Variants in BEND7 observed in about 807,000 individuals in gnomAD.
BEND7 encodes BEN domain containing 7.
BEND7 carries 28 observed loss-of-function variants against 50.9 expected under a neutral mutation model. The observed-to-expected ratio is 0.55, with a 90% confidence interval of 0.41 to 0.75. BEND7 has a LOEUF of 0.75. Among genes scored for constraint, BEND7 ranks in the 30% least tolerant of loss-of-function variants. BEND7 has a pLI of 0.00. For missense variants in BEND7, 477 were observed against 491.3 expected (o/e 0.97, Z 0.28); for synonymous variants, 170 against 183.9 (o/e 0.92, Z 0.61).
At chr10:13,468,826 T>C (rs2074514646) in intron 6 of BEND7, among the ~76,000 whole-genome samples, 1 of 152,216 alleles carries the variant, frequency 6.6e-6, no homozygotes, top group South Asian at 2.1e-4. Context: ...CTTGAAGAGT[T>C]AGTTGATGCC....
At chr10:13,447,352 G>T (rs1057128690) in intron 7 of BEND7, 36 bp from the exon 8 acceptor site, 14 of 1,606,928 alleles carry the variant, frequency 8.7e-6, no homozygotes, top group Non-Finnish European at 1.2e-5. Context: ...AATCTCATTA[G>T]TTCCAGGGAG....
intron 2 of BEND7, among the ~76,000 whole-genome samples, chr10:13,518,617 T>C (rs1312037908): frequency 3.3e-5 from 5 of 152,218 alleles, no homozygotes; most frequent in African/African-American, 9.6e-5. Context: ...GTTTCCAACA[T>C]GTCACTGGCT....
intron 4 of BEND7, among the ~76,000 whole-genome samples, chr10:13,496,090 G>C: frequency 6.6e-6 from 1 of 152,210 alleles, no homozygotes; most frequent in Non-Finnish European, 1.5e-5. Context: ...GCTTAGGCTT[G>C]TACCATGCCT....
intron 1 of BEND7, among the ~76,000 whole-genome samples, chr10:13,527,119 T>G (rs2079494429): frequency 1.3e-5 from 2 of 152,158 alleles, no homozygotes; most frequent in African/African-American, 4.8e-5. Flanking sequence ...AGGTCATCAA[T>G]AAGAAAGCAG....
chr10:13,519,049 C>G (rs181559808), intron 2 of BEND7, among the ~76,000 whole-genome samples: 1 of 152,100 alleles, frequency 6.6e-6, no homozygotes, highest in African/African-American at 2.4e-5. Flanking sequence ...TGTTAAGTTT[C>G]GGAGGAGGAT....
At chr10:13,452,744 A>G in intron 6 of BEND7, 86 bp from the exon 7 acceptor site, 2 of 1,312,606 alleles carry the variant, frequency 1.5e-6, no homozygotes, top group Non-Finnish European at 2.1e-6. Context: ...AAAAGAAAAA[A>G]AAGTAGATTT....
rs118093885 is a variant in BEND7, at chr10:13,504,259, C to T, written c.146-4179G>A. ...GACAGGCTGGGCTATTACACCCACACCTGGTCTCGCCTCCTAACTACGCCC... is the reference window on the plus strand; with the variant it reads ...GACAGGCTGGGCTATTACACCCACATCTGGTCTCGCCTCCTAACTACGCCC... On this transcript the variant is annotated intron_variant, in intron 2 of 8. Coordinates refer to ENST00000466271, the MANE Select transcript of BEND7 (RefSeq NM_001369863.1). 2.2e-3 allele frequency among the ~76,000 whole-genome samples: 331 copies of T among 152,282 alleles called. 2 individuals carry two copies. The highest frequency in any genetic ancestry group is 2.9e-3 in the Non-Finnish European group (195 of 68,024).
At chr10:13,462,827 G>T (rs1318801381) in intron 6 of BEND7, among the ~76,000 whole-genome samples, 1 of 152,110 alleles carries the variant, frequency 6.6e-6, no homozygotes, top group South Asian at 2.1e-4. Context: ...AGTATATTAA[G>T]AAAAATAAAT....
chr10:13,478,505 G>C (rs1346105765), intron 6 of BEND7, among the ~76,000 whole-genome samples: 1 of 152,174 alleles, frequency 6.6e-6, no homozygotes, highest in Non-Finnish European at 1.5e-5. Context: ...AGGTAGAAAT[G>C]TTGACTAGCC....
intron 1 of BEND7, 38 bp downstream of exon 1, chr10:13,528,435 G>T: frequency 6.1e-6 from 6 of 981,360 alleles, no homozygotes; most frequent in South Asian, 9.1e-5. Flanking sequence ...AGGGCGCGGC[G>T]CCCGCTGCCT....
At chr10:13,473,427 G>A (rs74122759) in intron 6 of BEND7, among the ~76,000 whole-genome samples, 5,229 of 149,986 alleles carry the variant, frequency 0.035, 303 homozygotes, top group African/African-American at 0.12. Context: ...GCCGACATCC[G>A]TCATCACTGT....
chr10:13,456,121 C>T (rs767234805), intron 6 of BEND7, among the ~76,000 whole-genome samples: 1 of 152,156 alleles, frequency 6.6e-6, no homozygotes, highest in Non-Finnish European at 1.5e-5. Flanking sequence ...CACCTCTCTA[C>T]TCCTCCCCTA....
rs1055965402 is a variant in BEND7, at chr10:13,526,207, C to G, written c.76G>C (p.Val26Leu). 3.9e-6 allele frequency: 5 copies of G among 1,288,518 alleles called. No individual in the cohort carries two copies. The highest frequency in any genetic ancestry group is 5.1e-6 in the Non-Finnish European group (5 of 988,432). 79.8% of individuals were successfully genotyped at this position (1,288,518 alleles called of 1,614,324 possible). A position where few individuals can be genotyped will look rare whatever the true frequency, so the allele number is the denominator to read the frequency against. Residue 26 changes from valine (V) to leucine (L), a missense_variant, in exon 2 of 9, where the codon GTG becomes CTG. Transcript: ENST00000466271. The stretch of plus-strand genomic sequence containing the variant: ...TTGCTGAATTCTGGGATCTTATACA[C>G]CTCGTGGTGATAATCTGGCATGAGA... ...KLVSRDYHHEVYKIPEFSNDV... is the reference protein window; with the variant it reads ...KLVSRDYHHELYKIPEFSNDV...
intron 5 of BEND7, among the ~76,000 whole-genome samples, chr10:13,487,300 C>T (rs184013507): frequency 1.9e-3 from 296 of 152,038 alleles, no homozygotes; most frequent in African/African-American, 6.9e-3. Flanking sequence ...AGCTAATACA[C>T]GATGAAGCAA....
intron 2 of BEND7, among the ~76,000 whole-genome samples, chr10:13,507,022 T>G (rs1306250746): frequency 6.6e-6 from 1 of 152,088 alleles, no homozygotes; most frequent in Non-Finnish European, 1.5e-5. Flanking sequence ...TGCATGAGTT[T>G]GAGCATGAAG....
chr10:13,527,103 T>G (rs893241299), intron 1 of BEND7, among the ~76,000 whole-genome samples: 31 of 152,322 alleles, frequency 2.0e-4, no homozygotes, highest in African/African-American at 7.2e-4. Context: ...GCAGTTAAGT[T>G]CTCTGAGGTC....
intron 2 of BEND7, among the ~76,000 whole-genome samples, chr10:13,522,092 G>T (rs1230634005): frequency 6.7e-6 from 1 of 150,370 alleles, no homozygotes; most frequent in Non-Finnish European, 1.5e-5. Flanking sequence ...AGAATAACTA[G>T]AACAGGGCTT....
chr10:13,471,662 A>G (rs554885356), intron 6 of BEND7, among the ~76,000 whole-genome samples: 28 of 152,392 alleles, frequency 1.8e-4, no homozygotes, highest in Non-Finnish European at 3.2e-4. Flanking sequence ...CTTGTGTCAC[A>G]TAACACAAAA....
At chr10:13,467,780 T>G (rs1224831233) in intron 6 of BEND7, among the ~76,000 whole-genome samples, 2 of 152,058 alleles carry the variant, frequency 1.3e-5, no homozygotes, top group Non-Finnish European at 2.9e-5. Context: ...TTTTGATTTT[T>G]AAGAAACCTG....
Sources: allele counts gnomAD v4.1 joint callset (sites outside exome capture counted in the v4.1 genomes callset), GRCh38; gene constraint gnomAD v4.1.1; transcripts MANE v1.5; gene names NCBI Gene and HGNC (gene_info 2026-07-23, HGNC 2026-07-21).